PDE1C: variants seen among roughly 807,000 people sequenced by gnomAD.
PDE1C encodes dual specificity calcium/calmodulin-dependent 3',5'-cyclic nucleotide phosphodiesterase 1C.
Under a neutral mutation model 93.1 loss-of-function variants are expected in PDE1C, and 62 were observed. That is an observed-to-expected ratio of 0.67 (90% CI 0.54 to 0.82). The LOEUF is 0.82. Among genes scored for constraint, PDE1C ranks in the 40% least tolerant of loss-of-function variants. PDE1C has a pLI of 0.00. For missense variants in PDE1C, 742 were observed against 884.6 expected (o/e 0.84, Z 2.04); for synonymous variants, 325 against 310.1 (o/e 1.05, Z -0.50).
chr7:31,684,052 T>C, the PDE1C span, among the ~76,000 whole-genome samples: 1 of 152,118 alleles, frequency 6.6e-6, no homozygotes, highest in Non-Finnish European at 1.5e-5. Flanking sequence ...TGCACATATG[T>C]GGTTGTTATT....
At chr7:32,403,953 A>C (rs533641284) in intron 1 of PDE1C, among the ~76,000 whole-genome samples, 2 of 152,252 alleles carry the variant, frequency 1.3e-5, no homozygotes, top group African/African-American at 4.8e-5. Flanking sequence ...AATAATAATA[A>C]TTCAAAAATA....
At chr7:31,793,035 C>T (rs562630012) in intron 16 of PDE1C, among the ~76,000 whole-genome samples, 129 of 151,984 alleles carry the variant, frequency 8.5e-4, no homozygotes, top group Non-Finnish European at 1.6e-3. Flanking sequence ...TATATGAATT[C>T]ACAGAAATGT....
the PDE1C span, among the ~76,000 whole-genome samples, chr7:31,742,260 G>A: frequency 4.6e-5 from 7 of 152,186 alleles, no homozygotes; most frequent in African/African-American, 7.2e-5. Flanking sequence ...GTGCTCTTCC[G>A]GCACTAACCA....
At chr7:31,702,436 C>T in the PDE1C span, among the ~76,000 whole-genome samples, 16,333 of 152,128 alleles carry the variant, frequency 0.11, 1,012 homozygotes, top group East Asian at 0.23. Context: ...CTAGGTTAAT[C>T]CTCTACTCCA....
intron 1 of PDE1C, among the ~76,000 whole-genome samples, chr7:32,317,568 A>G (rs1783201900): frequency 6.6e-6 from 1 of 151,966 alleles, no homozygotes; most frequent in Middle Eastern, 3.4e-3. Flanking sequence ...TGATAAAAAG[A>G]CATGAGAGAA....
At chr7:32,134,423 C>A (rs1188748121) in intron 3 of PDE1C, among the ~76,000 whole-genome samples, 1 of 151,732 alleles carries the variant, frequency 6.6e-6, no homozygotes, top group African/African-American at 2.4e-5. Flanking sequence ...GAGAAGAGGC[C>A]CAGGATGAAG....
chr7:32,316,638 C>T lies in PDE1C; in HGVS notation c.311-107099G>A, dbSNP rs372485920. On this transcript the variant is annotated intron_variant, in intron 1 of 1. Transcript: ENST00000672256. ...CAAAGTCTCTACATTGACAAGACGA[C>T]TGAAATCTCAGAATTACAAGCAAGT... 8.5e-5 allele frequency among the ~76,000 whole-genome samples: 13 copies of T among 152,130 alleles called. No individual in the cohort carries two copies. The East Asian group carries it at 1.2e-3, about 14-fold the overall frequency.
chr7:32,002,779 G>T (rs999120001), intron 2 of PDE1C, among the ~76,000 whole-genome samples: 1 of 151,966 alleles, frequency 6.6e-6, no homozygotes, highest in African/African-American at 2.4e-5. Context: ...CTCTTCCTTT[G>T]AACTGGGTAT....
chr7:32,361,360 C>T (rs1291083330), intron 1 of PDE1C, among the ~76,000 whole-genome samples: 2 of 152,230 alleles, frequency 1.3e-5, no homozygotes, highest in Admixed American at 6.5e-5. Flanking sequence ...GAACCACACC[C>T]AAAGCAGCAG....
chr7:31,913,324 A>C (rs1045277165), intron 2 of PDE1C, among the ~76,000 whole-genome samples: 8 of 152,220 alleles, frequency 5.3e-5, no homozygotes, highest in Non-Finnish European at 1.2e-4. Context: ...AGCATTTCTT[A>C]ACAGAGAAGT....
chr7:32,145,141 C>T (rs1037188690), intron 3 of PDE1C, among the ~76,000 whole-genome samples: 9 of 152,110 alleles, frequency 5.9e-5, no homozygotes, highest in East Asian at 1.9e-4. Context: ...AAGAAGATAA[C>T]TGTGATGGCA....
At position 31,788,495 on chromosome 7, in the gene PDE1C, T is replaced by A. The variant is rs1338825574; in HGVS notation, c.1892-12763A>T. 2.0e-5 allele frequency: 3 copies of A among 152,066 alleles called. No homozygotes were observed. The East Asian group carries it at 5.8e-4, about 29-fold the overall frequency. 9.4% of individuals were successfully genotyped at this position (152,066 alleles called of 1,614,324 possible). On this transcript the variant is annotated intron_variant, in intron 16 of 17. Transcript: ENST00000396191. ...TCTAGGACCCCCATCCCCACACAGC[T>A]CAAATTCAGTTGCTGCCTACCAACT...
intron 2 of PDE1C, among the ~76,000 whole-genome samples, chr7:31,981,969 A>G (rs1173494854): frequency 6.6e-6 from 1 of 152,200 alleles, no homozygotes; most frequent in African/African-American, 2.4e-5. Context: ...TCCCAAATAT[A>G]TATTTTTTCA....
intron 3 of PDE1C, among the ~76,000 whole-genome samples, chr7:32,118,443 G>C (rs187979343): frequency 3.3e-5 from 5 of 152,124 alleles, no homozygotes; most frequent in African/African-American, 1.2e-4. Flanking sequence ...GCTTAGAGCC[G>C]AGTTTGATTT....
intron 7 of PDE1C, among the ~76,000 whole-genome samples, chr7:31,853,190 A>G (rs958185219): frequency 1.3e-5 from 2 of 152,202 alleles, no homozygotes; most frequent in African/African-American, 2.4e-5. Flanking sequence ...TAAACCAAAA[A>G]CAATGAATGG....
intron 2 of PDE1C, among the ~76,000 whole-genome samples, chr7:32,205,647 T>G (rs928818036): frequency 1.3e-5 from 2 of 152,168 alleles, no homozygotes; most frequent in Non-Finnish European, 2.9e-5. Flanking sequence ...CTGCAGAAGC[T>G]TTGTTCCTTC....
intron 2 of PDE1C, among the ~76,000 whole-genome samples, chr7:32,021,095 G>T (rs117877733): frequency 6.6e-6 from 1 of 152,046 alleles, no homozygotes; most frequent in Admixed American, 6.6e-5. Flanking sequence ...TGATCCAGCC[G>T]TACTGGGGCC....
At chr7:31,992,330 G>T (rs1159329576) in intron 2 of PDE1C, among the ~76,000 whole-genome samples, 1 of 152,234 alleles carries the variant, frequency 6.6e-6, no homozygotes, top group African/African-American at 2.4e-5. Context: ...ACCAGCCATG[G>T]TGGCAACAAT....
chr7:31,989,514 C>T (rs560950394), intron 2 of PDE1C, among the ~76,000 whole-genome samples: 15 of 152,296 alleles, frequency 9.8e-5, no homozygotes, highest in African/African-American at 2.6e-4. Context: ...AATTTTTCTT[C>T]TTCCATTTGG....
Sources: allele counts gnomAD v4.1 joint callset (sites outside exome capture counted in the v4.1 genomes callset), GRCh38; gene constraint gnomAD v4.1.1; transcripts MANE v1.5; gene names NCBI Gene and HGNC (gene_info 2026-07-23, HGNC 2026-07-21).